Variants in PHLPP1 observed in about 807,000 individuals in gnomAD.
PHLPP1 encodes the protein PH domain and leucine rich repeat protein phosphatase 1.
PHLPP1 carries 42 observed loss-of-function variants against 117.2 expected under a neutral mutation model. The ratio of observed to expected loss-of-function variants is 0.36; its 90% CI spans 0.28 to 0.46. The LOEUF is 0.46. Ranked by LOEUF, PHLPP1 falls within the 20% of genes least tolerant of loss-of-function variation. The pLI, the probability that PHLPP1 is intolerant of heterozygous loss-of-function variation, is 1.00. For synonymous variants in PHLPP1, 1,042 were observed against 970.7 expected (o/e 1.07, Z -1.37); for missense variants, 2,084 against 2,241.9 (o/e 0.93, Z 1.42).
intron 13 of PHLPP1, among the ~76,000 whole-genome samples, chr18:62,960,562 G>A (rs1446588201): frequency 6.6e-6 from 1 of 152,090 alleles, no homozygotes; most frequent in Non-Finnish European, 1.5e-5. Context: ...GATAAGAAAA[G>A]TACTCAAAAT....
intron 10 of PHLPP1, among the ~76,000 whole-genome samples, chr18:62,939,623 C>G (rs1232295018): frequency 1.4e-5 from 2 of 147,142 alleles, no homozygotes. Context: ...GTCTGGATAG[C>G]CGTTCTCTAA....
At chr18:62,904,235 G>A (rs936265279) in intron 7 of PHLPP1, among the ~76,000 whole-genome samples, 1 of 152,168 alleles carries the variant, frequency 6.6e-6, no homozygotes, top group Non-Finnish European at 1.5e-5. Flanking sequence ...TGGCTTGTTC[G>A]GCAGTTGGGA....
chr18:62,902,928 C>T, intron 6 of PHLPP1, 36 bp from the exon 7 acceptor site: 1 of 1,292,908 alleles, frequency 7.7e-7, no homozygotes, highest in Middle Eastern at 1.8e-4. Flanking sequence ...TATAGCATTG[C>T]AGTTAATTAT....
At chr18:62,956,140 T>C (rs1351723098) in intron 12 of PHLPP1, among the ~76,000 whole-genome samples, 1 of 152,192 alleles carries the variant, frequency 6.6e-6, no homozygotes, top group Non-Finnish European at 1.5e-5. Flanking sequence ...AAGGTGGTGG[T>C]ATATTAGGGC....
At chr18:62,746,586 C>T (rs1025040682) in intron 1 of PHLPP1, among the ~76,000 whole-genome samples, 2 of 152,092 alleles carry the variant, frequency 1.3e-5, no homozygotes, top group African/African-American at 4.8e-5. Context: ...TATTATAGGC[C>T]ATTTCAAGCC....
At chr18:62,750,643 G>T (rs1218458111) in intron 1 of PHLPP1, among the ~76,000 whole-genome samples, 1 of 150,450 alleles carries the variant, frequency 6.6e-6, no homozygotes, top group Non-Finnish European at 1.5e-5. Context: ...CCAGCTACTT[G>T]TGAGACTTGT....
Position 62,979,851 on chromosome 18 carries a change from G to GTTTTGTTTTA in PHLPP1, c.*429_*430insATTTTGTTTT, listed in dbSNP as rs547004804. 1 of 157,142 alleles carries GTTTTGTTTTA rather than the reference G, an allele frequency of 6.4e-6. No homozygotes were observed. The highest frequency in any genetic ancestry group is 6.4e-5 in the Admixed American group (1 of 15,694). 9.7% of individuals were successfully genotyped at this position (157,142 alleles called of 1,614,324 possible). ...ATTTCTTTGGGGGGAAAAGGCTTTT[G>GTTTTGTTTTA]TTTTGTTTTGTTTTGTTTTGTTTTG... On this transcript the variant is annotated 3_prime_UTR_variant, in exon 17 of 17. Transcript: ENST00000262719.
intron 16 of PHLPP1, among the ~76,000 whole-genome samples, chr18:62,976,880 A>G (rs114160108): frequency 0.019 from 2,963 of 152,226 alleles, 96 homozygotes; most frequent in African/African-American, 0.067. Context: ...CTGTCTGCCC[A>G]CGTCATTTTT....
intron 4 of PHLPP1, among the ~76,000 whole-genome samples, chr18:62,877,731 T>A (rs1916083185): frequency 6.6e-6 from 1 of 152,236 alleles, no homozygotes; most frequent in South Asian, 2.1e-4. Context: ...CCCATTTTCC[T>A]TCCCAGAGAA....
chr18:62,934,465 A>G (rs1414124620), intron 10 of PHLPP1, among the ~76,000 whole-genome samples: 1 of 152,182 alleles, frequency 6.6e-6, no homozygotes, highest in Non-Finnish European at 1.5e-5. Flanking sequence ...GTGAATTAAT[A>G]CAGAAACAGA....
chr18:62,882,635 G>T (rs1451077911), intron 4 of PHLPP1, among the ~76,000 whole-genome samples: 1 of 152,050 alleles, frequency 6.6e-6, no homozygotes, highest in Non-Finnish European at 1.5e-5. Flanking sequence ...CACTTCCCAA[G>T]ATTATTTCTT....
At chr18:62,832,157 C>T (rs1914776476) in intron 2 of PHLPP1, 1 of 152,244 alleles carries the variant, frequency 6.6e-6, no homozygotes, top group African/African-American at 2.4e-5. Context: ...TTGGGGAAGG[C>T]ACTGTGCTTG....
chr18:62,813,833 A>G lies in PHLPP1; in HGVS notation c.1577-16202A>G, dbSNP rs1489223470. Among the ~76,000 whole-genome samples, 6 of 152,040 alleles carry G rather than the reference A, an allele frequency of 3.9e-5. No homozygotes were observed. The East Asian group carries it at 1.2e-3, about 29-fold the overall frequency. ...CCTTTCCCTTTCAGCATTTTAATGT[A>G]TTATTTCCTGCACCACTACACAAAC... On this transcript the variant is annotated intron_variant, in intron 1 of 16. Transcript: ENST00000262719.
At position 62,818,699 on chromosome 18, in the gene PHLPP1, T is replaced by C. The variant is rs114631746; in HGVS notation, c.1577-11336T>C. Among the ~76,000 whole-genome samples, 1,200 of 152,228 alleles carry C rather than the reference T, an allele frequency of 7.9e-3. 20 individuals are homozygous for C. The highest frequency in any genetic ancestry group is 0.028 in the African/African-American group (1,148 of 41,534). ...ATCTACATAAAGGAATGAAGAACAA[T>C]GGAAATAATAAATATAAAAGACTTA... is the stretch of plus-strand genomic sequence containing the variant. On this transcript the variant is annotated intron_variant, in intron 1 of 16. Transcript: ENST00000262719.
chr18:62,937,030 A>C (rs1909994152), intron 10 of PHLPP1, among the ~76,000 whole-genome samples: 1 of 152,232 alleles, frequency 6.6e-6, no homozygotes, highest in Admixed American at 6.5e-5. Context: ...GTCCCAGTAC[A>C]GATTTCCAGA....
chr18:62,789,580 T>C (rs1474079780), intron 1 of PHLPP1, among the ~76,000 whole-genome samples: 2 of 152,138 alleles, frequency 1.3e-5, no homozygotes, highest in Non-Finnish European at 2.9e-5. Flanking sequence ...ACTGACTCCC[T>C]CCATTCTTCA....
chr18:62,971,240 A>T (rs1252135878), intron 14 of PHLPP1, among the ~76,000 whole-genome samples: 2 of 152,034 alleles, frequency 1.3e-5, no homozygotes, highest in East Asian at 3.9e-4. Context: ...TTCATATTGG[A>T]AATGTTTTCA....
chr18:62,726,138 G>A (rs748736448), intron 1 of PHLPP1, among the ~76,000 whole-genome samples: 5 of 151,318 alleles, frequency 3.3e-5, no homozygotes, highest in Admixed American at 6.6e-5. Flanking sequence ...ACACACACAC[G>A]CATGTTCTCC....
chr18:62,791,679 A>G (rs115769076), intron 1 of PHLPP1, among the ~76,000 whole-genome samples: 2,226 of 152,336 alleles, frequency 0.015, 52 homozygotes, highest in African/African-American at 0.051. Flanking sequence ...AAAGCAAGAT[A>G]GTACAGCTTC....
Sources: allele counts gnomAD v4.1 joint callset (sites outside exome capture counted in the v4.1 genomes callset), GRCh38; gene constraint gnomAD v4.1.1; transcripts MANE v1.5; gene names NCBI Gene and HGNC (gene_info 2026-07-23, HGNC 2026-07-21).